PRB3: variants seen among roughly 807,000 people sequenced by gnomAD.
PRB3 encodes the protein proline rich protein BstNI subfamily 3.
Under a neutral mutation model 10.0 loss-of-function variants are expected in PRB3, and 9 were observed. The ratio of observed to expected loss-of-function variants is 0.90; its 90% CI spans 0.54 to 1.57. PRB3 has a LOEUF of 1.57. Ranked by LOEUF, PRB3 falls within the 40% of genes most tolerant of loss-of-function variation. The pLI is 0.00. For synonymous variants in PRB3, 89 were observed against 138.6 expected (o/e 0.64, Z 2.52); for missense variants, 285 against 385.5 (o/e 0.74, Z 2.18).
At chr12:11,266,150 C>T in intron 3 of PRB3, 121 bp from the exon 4 acceptor site, 1 of 371,312 alleles carries the variant, frequency 2.7e-6, no homozygotes, top group South Asian at 2.1e-5. Flanking sequence ...CCAATCCCTT[C>T]AACCTCCTGT....
intron 2 of PRB3, 119 bp from the exon 3 acceptor site, chr12:11,268,267 G>T: frequency 6.6e-7 from 1 of 1,521,518 alleles, no homozygotes; most frequent in Non-Finnish European, 9.0e-7. Flanking sequence ...TGCATTTTCA[G>T]TGAAGCTCTA....
At position 11,268,622 on chromosome 12, in the gene PRB3, T is replaced by C. The variant is rs369518521; in HGVS notation, c.100+11A>G. 2.5e-6 allele frequency: 4 copies of C among 1,603,806 alleles called. No individual in the cohort carries two copies. Among genetic ancestry groups the C allele is most frequent in the East Asian group, 2.2e-5 (1 of 44,856 alleles). ...ATAGTTAAAACAGATTGAGAGTGAA[T>C]TGGGATTTACCTGATATTACGGAGG... On this transcript the variant is annotated intron_variant, in intron 2 of 3. Transcript: ENST00000538488.
intron 1 of PRB3, among the ~76,000 whole-genome samples, 155 bp downstream of exon 1, chr12:11,269,451 G>C (rs1179902104): frequency 6.6e-6 from 1 of 152,148 alleles, no homozygotes; most frequent in Non-Finnish European, 1.5e-5. Flanking sequence ...AGAAGCCCTT[G>C]GTGTGGAATG....
In PRB3 at chr12:11,266,004, A is replaced by G. The variant is rs1948583342; in HGVS notation, c.*43T>C. 4.4e-6 allele frequency: 2 copies of G among 456,294 alleles called. No individual in the cohort carries two copies. The highest frequency in any genetic ancestry group is 2.0e-5 in the African/African-American group (1 of 50,076). The allele number at this position is 456,294 out of a possible 1,614,324, so 28.3% of individuals were successfully genotyped here. A position where few individuals can be genotyped will look rare whatever the true frequency, so the allele number is the denominator to read the frequency against. On this transcript the variant is annotated 3_prime_UTR_variant, in exon 4 of 4. Transcript: ENST00000538488. ...ATGTCATGGCATTTGAATCATTTGAATCACTGTCATCTTCTTGTTCACTTC... is the reference window on the plus strand; with the variant it reads ...ATGTCATGGCATTTGAATCATTTGAGTCACTGTCATCTTCTTGTTCACTTC...
chr12:11,267,053 A>C, intron 3 of PRB3, 123 bp downstream of exon 3: 1 of 1,021,858 alleles, frequency 9.8e-7, no homozygotes, highest in Non-Finnish European at 1.5e-6. Context: ...CTGAATACAA[A>C]TCTTTAGAAA....
In PRB3 at chr12:11,267,636, C is replaced by G; in HGVS notation, c.613G>C (p.Glu205Gln). The G allele has an allele frequency of 1.3e-6, 2 of 1,524,136 alleles. No individual in the cohort carries two copies. Among genetic ancestry groups the G allele is most frequent in the Non-Finnish European group, 8.8e-7 (1 of 1,130,564 alleles). 94.4% of individuals were successfully genotyped at this position (1,524,136 alleles called of 1,614,324 possible). Residue 205 changes from glutamate to glutamine, a missense_variant, in exon 3 of 4, where the codon GAA becomes CAA. Coordinates refer to ENST00000538488, the MANE Select transcript of PRB3 (RefSeq NM_001394862.1). The stretch of plus-strand genomic sequence containing the variant: ...TTTCCTCCTTGTGGGGGTGGTCCTT[C>G]TGGCTTTCCCGGACGAGGTGGGGGA... Reference protein sequence around the residue: ...QGPPPRPGKPEGPPPQGGNQS... With the variant: ...QGPPPRPGKPQGPPPQGGNQS...
chr12:11,268,136 C>T lies in PRB3; in HGVS notation c.113G>A (p.Gly38Glu), dbSNP rs972709852. Residue 38 changes from glycine to glutamate, a missense_variant, in exon 3 of 4, where the codon GGA (glycine) becomes GAA (glutamate). Physicochemically the swap from Gly to Glu is moderately conservative, Grantham distance 98 (BLOSUM62 -2). Transcript: ENST00000538488. Reference sequence around the variant, plus strand: ...CTGGTTTCCTCCTTGTGGGCGTCGTCCTTCTGGCTTTCCTGGAGGAGGTGG... The same window carrying T: ...CTGGTTTCCTCCTTGTGGGCGTCGTTCTTCTGGCTTTCCTGGAGGAGGTGG... ...SPSVISGKPEGRRPQGGNQPQ... is the reference protein window; with the variant it reads ...SPSVISGKPEERRPQGGNQPQ... 7 of 1,359,954 alleles carry T rather than the reference C, an allele frequency of 5.1e-6. No homozygotes were observed. The African/African-American group carries it at 7.4e-5, about 14-fold the overall frequency. 84.2% of individuals were successfully genotyped at this position (1,359,954 alleles called of 1,614,324 possible).
At chr12:11,268,888 C>T (rs1194964536) in intron 1 of PRB3, 4 of 610,886 alleles carry the variant, frequency 6.5e-6, no homozygotes, top group Non-Finnish European at 1.2e-5. Context: ...TATAGAAGAG[C>T]CCCTTTTTTT....
At chr12:11,269,555 C>T (rs747312339) in intron 1 of PRB3, 51 bp downstream of exon 1, 1 of 1,596,358 alleles carries the variant, frequency 6.3e-7, no homozygotes, top group Non-Finnish European at 8.6e-7. Context: ...ACAACTATCA[C>T]CTCCTAAGCC....
At chr12:11,266,784 C>G (rs1194294913) in intron 3 of PRB3, among the ~76,000 whole-genome samples, 1 of 152,114 alleles carries the variant, frequency 6.6e-6, no homozygotes, top group Non-Finnish European at 1.5e-5. Context: ...GCTGAAAGAT[C>G]AGGGACCATT....
Position 11,266,086 on chromosome 12 carries a change from G to A in PRB3, c.*18-57C>T, listed in dbSNP as rs961509312. Reference sequence around the variant, plus strand: ...CAGACTTGACATGGCAGGAAATGTCGAATTCCTCACTGGTGTTACTGCAGT... The same window carrying A: ...CAGACTTGACATGGCAGGAAATGTCAAATTCCTCACTGGTGTTACTGCAGT... On this transcript the variant is annotated intron_variant, in intron 3 of 3. Coordinates refer to ENST00000538488, the MANE Select transcript of PRB3 (RefSeq NM_001394862.1). 5.5e-5 allele frequency: 25 copies of A among 452,284 alleles called. No individual in the cohort carries two copies. The Middle Eastern group carries it at 2.6e-3, about 48-fold the overall frequency. The allele number at this position is 452,284 out of a possible 1,614,324, so 28.0% of individuals were successfully genotyped here. A position where few individuals can be genotyped will look rare whatever the true frequency, so the allele number is the denominator to read the frequency against.
rs780012606 is a variant in PRB3 at position 11,267,176 on chromosome 12, C to T, written c.*17G>A. The T allele has an allele frequency of 1.3e-6, 2 of 1,596,636 alleles. No homozygotes were observed. Among genetic ancestry groups the T allele is most frequent in the East Asian group, 2.2e-5 (1 of 44,806 alleles). ...GGTGAAGAATAAACTGGAATCATAC[C>T]TGTCATTGAACCTTGATTACTGGGG... On this transcript the variant is annotated splice_region_variant and 3_prime_UTR_variant, in exon 3 of 4. Coordinates refer to ENST00000538488, the MANE Select transcript of PRB3 (RefSeq NM_001394862.1).
At chr12:11,266,112 AGAGT>A (rs1356208594) in intron 3 of PRB3, 83 bp from the exon 4 acceptor site, 1 of 434,412 alleles carries the variant, frequency 2.3e-6, no homozygotes, top group Non-Finnish European at 4.6e-6. Flanking sequence ...TTACTGCAGT[AGAGT>A]ACATGAGATC....
At chr12:11,268,206 C>T (rs976481481) in intron 2 of PRB3, 58 bp from the exon 3 acceptor site, 59 of 1,612,122 alleles carry the variant, frequency 3.7e-5, no homozygotes, top group African/African-American at 2.3e-4. Flanking sequence ...TTTACAGTAA[C>T]GCAGCTAAAT....
chr12:11,266,080 A>G, intron 3 of PRB3, 51 bp from the exon 4 acceptor site: 1 of 453,450 alleles, frequency 2.2e-6, no homozygotes, highest in Non-Finnish European at 4.4e-6. Flanking sequence ...CATGGCAGGA[A>G]ATGTCGAATT....
chr12:11,267,046 A>T, intron 3 of PRB3, 130 bp downstream of exon 3: 3 of 955,674 alleles, frequency 3.1e-6, no homozygotes, highest in Non-Finnish European at 5.0e-6. Flanking sequence ...AGAGTATCTG[A>T]ATACAAATCT....
intron 3 of PRB3, among the ~76,000 whole-genome samples, chr12:11,266,799 A>G (rs1384116544): frequency 5.9e-5 from 9 of 152,226 alleles, no homozygotes; most frequent in South Asian, 2.1e-4. Flanking sequence ...ACCATTTGGC[A>G]GGAATACTGG....
chr12:11,269,311 C>A (rs933673985), intron 1 of PRB3, among the ~76,000 whole-genome samples: 3 of 152,200 alleles, frequency 2.0e-5, no homozygotes, highest in Non-Finnish European at 1.5e-5. Flanking sequence ...CTGGACTTTC[C>A]TGAATCTGCC....
intron 1 of PRB3, among the ~76,000 whole-genome samples, chr12:11,269,389 A>G (rs1290798396): frequency 6.6e-6 from 1 of 152,172 alleles, no homozygotes. Flanking sequence ...TTACCTTCTC[A>G]TTCCCCTGGT....
Sources: allele counts gnomAD v4.1 joint callset (sites outside exome capture counted in the v4.1 genomes callset), GRCh38; gene constraint gnomAD v4.1.1; transcripts MANE v1.5; gene names NCBI Gene and HGNC (gene_info 2026-07-23, HGNC 2026-07-21).